The following MARCHF1 variants were observed in gnomAD, a reference collection of about 807,000 sequenced individuals.
MARCHF1 encodes membrane associated ring-CH-type finger 1, also known as E3 ubiquitin-protein ligase MARCHF1.
MARCHF1 carries 40 observed loss-of-function variants against 54.2 expected under a neutral mutation model. That is an observed-to-expected ratio of 0.74 (90% CI 0.57 to 0.96). The LOEUF is 0.96. Ranked by LOEUF, MARCHF1 falls within the 40% of genes least tolerant of loss-of-function variation. The pLI is 0.00. For missense variants in MARCHF1, 586 were observed against 656.5 expected, an observed-to-expected ratio of 0.89 and a Z score of 1.17; for synonymous variants, 236 against 236.3, an observed-to-expected ratio of 1.00 and a Z score of 0.01.
At chr4:163,999,961 G>T (rs539375193) in intron 2 of MARCHF1, among the ~76,000 whole-genome samples, 37 of 151,774 alleles carry the variant, frequency 2.4e-4, no homozygotes, top group African/African-American at 8.0e-4. Context: ...AAAGAGTTCT[G>T]ATGTACAGAA....
At chr4:163,882,143 T>C (rs915195987) in intron 3 of MARCHF1, among the ~76,000 whole-genome samples, 4 of 152,218 alleles carry the variant, frequency 2.6e-5, no homozygotes, top group Non-Finnish European at 4.4e-5. Context: ...CAGAGATTAA[T>C]GGAAATTTTT....
chr4:164,006,198 AC>A (rs2110929098), intron 2 of MARCHF1, among the ~76,000 whole-genome samples: 1 of 152,332 alleles, frequency 6.6e-6, no homozygotes, highest in East Asian at 1.9e-4. Context: ...ATTTAAGAAG[AC>A]TCAGTGATCT....
intron 1 of MARCHF1, among the ~76,000 whole-genome samples, chr4:164,154,451 G>A (rs1185661275): frequency 6.6e-6 from 1 of 152,208 alleles, no homozygotes; most frequent in Non-Finnish European, 1.5e-5. Flanking sequence ...CCCAAACTCT[G>A]AGCCTGGGTC....
chr4:163,877,688 T>C (rs1339173763), intron 3 of MARCHF1, among the ~76,000 whole-genome samples: 2 of 152,178 alleles, frequency 1.3e-5, no homozygotes, highest in Non-Finnish European at 2.9e-5. Context: ...CTCCCCAATT[T>C]ACTACTCTCC....
At chr4:164,137,192 A>AT (rs1246748535) in intron 1 of MARCHF1, among the ~76,000 whole-genome samples, 2 of 152,074 alleles carry the variant, frequency 1.3e-5, no homozygotes, top group African/African-American at 2.4e-5. Context: ...TAATTATTGT[A>AT]TTTTTTTGTC....
intron 1 of MARCHF1, among the ~76,000 whole-genome samples, chr4:164,235,320 A>C (rs1732518380): frequency 6.6e-6 from 1 of 152,132 alleles, no homozygotes; most frequent in African/African-American, 2.4e-5. Flanking sequence ...TAGAATATTA[A>C]ATGTTTTCTT....
At chr4:163,964,180 G>T (rs1752394984) in intron 3 of MARCHF1, among the ~76,000 whole-genome samples, 1 of 151,842 alleles carries the variant, frequency 6.6e-6, no homozygotes, top group Admixed American at 6.6e-5. Context: ...ATAATAATTT[G>T]ATATTTAGCA....
At chr4:164,001,630 A>G (rs955839375) in intron 2 of MARCHF1, among the ~76,000 whole-genome samples, 2 of 151,952 alleles carry the variant, frequency 1.3e-5, no homozygotes, top group Non-Finnish European at 2.9e-5. Flanking sequence ...ACAATTTTCC[A>G]GCTTTCTGCC....
At position 163,631,316 on chromosome 4, in the gene MARCHF1, CTGAGTAGCTGGGA is replaced by C. The variant is rs563802137; in HGVS notation, c.163-17936_163-17924del. On this transcript the variant is annotated intron_variant, in intron 5 of 9. Coordinates refer to ENST00000514618, the MANE Select transcript of MARCHF1 (RefSeq NM_001394959.1). ...CAAGCAATTCTCTTGCCTCAGCCTC[CTGAGTAGCTGGGA>C]TTACAGGCGCCTGCTGCCACACTCA... Among the ~76,000 whole-genome samples the C allele has an allele frequency of 2.8e-3, 421 of 152,074 alleles. 1 individual carries two copies. The highest frequency in any genetic ancestry group is 6.8e-3 in the Middle Eastern group (2 of 294).
At chr4:164,251,611 G>T (rs17044801) in intron 1 of MARCHF1, among the ~76,000 whole-genome samples, 1 of 152,042 alleles carries the variant, frequency 6.6e-6, no homozygotes, top group Non-Finnish European at 1.5e-5. Flanking sequence ...TGATGATAAA[G>T]GCAAATTACT....
chr4:163,919,448 A>G (rs1751377090), intron 3 of MARCHF1, among the ~76,000 whole-genome samples: 1 of 151,978 alleles, frequency 6.6e-6, no homozygotes, highest in African/African-American at 2.4e-5. Flanking sequence ...TTGTATCTAT[A>G]TAATTACAAA....
intron 1 of MARCHF1, among the ~76,000 whole-genome samples, chr4:164,230,377 G>A (rs111563456): frequency 3.4e-5 from 5 of 147,808 alleles, no homozygotes; most frequent in African/African-American, 7.5e-5. Flanking sequence ...CCTGGGCAAC[G>A]AGAGCAAAAC....
At chr4:164,232,297 T>C (rs943025406) in intron 1 of MARCHF1, among the ~76,000 whole-genome samples, 1 of 152,116 alleles carries the variant, frequency 6.6e-6, no homozygotes, top group East Asian at 1.9e-4. Flanking sequence ...ACACTGCAAA[T>C]CCCTCACAAT....
At chr4:164,284,405 T>C (rs1734097677) in intron 1 of MARCHF1, among the ~76,000 whole-genome samples, 1 of 146,326 alleles carries the variant, frequency 6.8e-6, no homozygotes, top group African/African-American at 2.5e-5. Flanking sequence ...AGTAGAAAAA[T>C]TGTACAGGAA....
intron 1 of MARCHF1, among the ~76,000 whole-genome samples, chr4:164,160,108 G>T (rs138141147): frequency 2.0e-5 from 3 of 152,166 alleles, no homozygotes; most frequent in Non-Finnish European, 2.9e-5. Flanking sequence ...CCTAATTATG[G>T]ATAAAGTATA....
At chr4:164,137,949 T>A (rs2110844393) in intron 1 of MARCHF1, among the ~76,000 whole-genome samples, 1 of 152,240 alleles carries the variant, frequency 6.6e-6, no homozygotes, top group South Asian at 2.1e-4. Context: ...TGAAACCACA[T>A]TTTTCCCTGG....
At chr4:163,889,300 C>T (rs1323638448) in intron 3 of MARCHF1, among the ~76,000 whole-genome samples, 1 of 152,120 alleles carries the variant, frequency 6.6e-6, no homozygotes, top group Non-Finnish European at 1.5e-5. Flanking sequence ...TTCATCTCCA[C>T]TCTTGAGATG....
chr4:164,045,520 T>G (rs1197910279), intron 2 of MARCHF1, among the ~76,000 whole-genome samples: 1 of 38,224 alleles, frequency 2.6e-5, no homozygotes, highest in East Asian at 4.6e-4. Context: ...TTTAAATAAA[T>G]AAATAAATAA....
chr4:164,147,714 C>T (rs1321348748), intron 1 of MARCHF1, among the ~76,000 whole-genome samples: 1 of 142,672 alleles, frequency 7.0e-6, no homozygotes. Context: ...GGAGATATAC[C>T]TAATGCTAGA....
Sources: allele counts gnomAD v4.1 joint callset (sites outside exome capture counted in the v4.1 genomes callset), GRCh38; gene constraint gnomAD v4.1.1; transcripts MANE v1.5; gene names NCBI Gene and HGNC (gene_info 2026-07-23, HGNC 2026-07-21).